Variants in FAM13A observed in about 807,000 individuals in gnomAD.
FAM13A encodes the protein family with sequence similarity 13 member A.
FAM13A carries 76 observed loss-of-function variants against 129.6 expected under a neutral mutation model. The ratio of observed to expected loss-of-function variants is 0.59; its 90% CI spans 0.49 to 0.71. The LOEUF (loss-of-function observed/expected upper bound fraction) is 0.71. FAM13A is among the 30% of genes least tolerant of loss of function. The pLI is 0.00. For synonymous variants in FAM13A, 443 were observed against 449.9 expected (o/e 0.98, Z 0.20); for missense variants, 1,108 against 1,249.3 (o/e 0.89, Z 1.70).
chr4:88,751,506 G>A (rs1465110657), intron 14 of FAM13A, among the ~76,000 whole-genome samples: 1 of 152,048 alleles, frequency 6.6e-6, no homozygotes, highest in African/African-American at 2.4e-5. Flanking sequence ...TTCAGAAGCT[G>A]CTCAAGACTC....
chr4:88,948,935 G>C (rs1756437992), intron 4 of FAM13A, among the ~76,000 whole-genome samples: 3 of 152,170 alleles, frequency 2.0e-5, no homozygotes, highest in South Asian at 4.1e-4. Context: ...TATTAAACTA[G>C]ATCTTTCTAG....
Position 88,848,554 on chromosome 4 carries a change from C to T in FAM13A, c.1007+2466G>A, listed in dbSNP as rs116367252. 3.8e-3 allele frequency among the ~76,000 whole-genome samples: 575 copies of T among 152,310 alleles called. 6 individuals carry two copies. The highest frequency in any genetic ancestry group is 0.013 in the African/African-American group (538 of 41,578). ...CCCACACCTTCAAGGGACAAAGACT[C>T]ATCCACACCTGCTCATTCTCAGTAA... is the stretch of plus-strand genomic sequence containing the variant. On this transcript the variant is annotated intron_variant, in intron 7 of 23. Coordinates refer to ENST00000264344, the MANE Select transcript of FAM13A (RefSeq NM_014883.4).
chr4:88,901,850 T>C (rs1747349616), intron 6 of FAM13A, among the ~76,000 whole-genome samples: 1 of 151,742 alleles, frequency 6.6e-6, no homozygotes, highest in Non-Finnish European at 1.5e-5. Context: ...GACCACTAGC[T>C]AGACTAATAA....
At chr4:89,019,507 T>A (rs1437019922) in intron 3 of FAM13A, among the ~76,000 whole-genome samples, 1 of 152,096 alleles carries the variant, frequency 6.6e-6, no homozygotes, top group African/African-American at 2.4e-5. Context: ...ATGCCTGTAA[T>A]CCCAGCTCTT....
At position 88,814,984 on chromosome 4, in the gene FAM13A, C is replaced by A. The variant is rs573452868; in HGVS notation, c.1008-9932G>T. 8.1e-4 allele frequency among the ~76,000 whole-genome samples: 123 copies of A among 152,060 alleles called. 1 individual carries two copies. Among genetic ancestry groups the A allele is most frequent in the African/African-American group, 2.8e-3 (116 of 41,488 alleles). ...CTCAGCTTGTAGGTAGGACTACAGGCATATGCCACCATGCACAGATAATTT... is the reference window on the plus strand; with the variant it reads ...CTCAGCTTGTAGGTAGGACTACAGGAATATGCCACCATGCACAGATAATTT... On this transcript the variant is annotated intron_variant, in intron 7 of 23. Transcript: ENST00000264344.
chr4:88,750,733 A>G, intron 14 of FAM13A, 96 bp from the exon 15 acceptor site: 3 of 869,858 alleles, frequency 3.4e-6, no homozygotes, highest in African/African-American at 1.7e-5. Context: ...CAGATGCTTT[A>G]GGAAGCTGCC....
chr4:89,020,280 C>CTTT (rs374510433), intron 3 of FAM13A, among the ~76,000 whole-genome samples, 180 bp downstream of exon 3: 20 of 124,718 alleles, frequency 1.6e-4, no homozygotes, highest in Admixed American at 3.6e-4. Flanking sequence ...TTTTTCTGCC[C>CTTT]TTTTTTTTTT....
chr4:88,951,480 A>C (rs764410525), intron 4 of FAM13A, among the ~76,000 whole-genome samples: 1 of 152,218 alleles, frequency 6.6e-6, no homozygotes, highest in Non-Finnish European at 1.5e-5. Flanking sequence ...AAGAGAATAT[A>C]AGTCTCAGTG....
rs1724269896 is a variant in FAM13A, at chr4:88,787,792, T to C, written c.1232A>G (p.Gln411Arg). ...TCGAACTTCATCCTGCTCCTTGGAC[T>C]GGCGGCGGCGCTGTCTGGCAGATGT... ...SATSARQRRR[Q>R]SKEQDEVRHG... Residue 411 changes from glutamine (Q) to arginine (R), a missense_variant, in exon 10 of 24, where the codon CAG (glutamine) becomes CGG (arginine). Physicochemically the swap from Gln to Arg is conservative, Grantham distance 43. This residue lies in a region of FAM13A where 566 missense variants were observed against 595.7 expected (regional missense o/e 0.95). Coordinates refer to ENST00000264344, the MANE Select transcript of FAM13A (RefSeq NM_014883.4). 6.2e-7 allele frequency: 1 copy of C among 1,613,676 alleles called. No individual in the cohort carries two copies. Among genetic ancestry groups the C allele is most frequent in the Non-Finnish European group, 8.5e-7 (1 of 1,179,706 alleles).
At chr4:88,923,607 G>A (rs1050744066) in intron 5 of FAM13A, among the ~76,000 whole-genome samples, 3 of 152,114 alleles carry the variant, frequency 2.0e-5, no homozygotes, top group Non-Finnish European at 4.4e-5. Flanking sequence ...TACTGAATGG[G>A]CAAAAACTGG....
intron 23 of FAM13A, among the ~76,000 whole-genome samples, chr4:88,730,273 CCTA>C (rs1416490529): frequency 1.3e-5 from 2 of 152,180 alleles, no homozygotes; most frequent in Non-Finnish European, 2.9e-5. Flanking sequence ...TCCTCAGGCT[CCTA>C]CTGTGACTTT....
chr4:88,825,849 G>C (rs1732902615), intron 7 of FAM13A, among the ~76,000 whole-genome samples: 2 of 151,670 alleles, frequency 1.3e-5, no homozygotes, highest in Admixed American at 1.3e-4. Flanking sequence ...ATTAATTAAT[G>C]CTATAACTCA....
Position 88,760,431 on chromosome 4 carries a change from C to T in FAM13A, c.1579-1530G>A, listed in dbSNP as rs1744562781. 6.3e-5 allele frequency among the ~76,000 whole-genome samples: 3 copies of T among 47,810 alleles called. 1 individual carries two copies. The highest frequency in any genetic ancestry group is 6.0e-4 in the Admixed American group (3 of 5,000). The allele number at this position is 47,810 out of a possible 152,430, so 31.4% of individuals were successfully genotyped here. A position where few individuals can be genotyped will look rare whatever the true frequency, so the allele number is the denominator to read the frequency against. On this transcript the variant is annotated intron_variant, in intron 13 of 23. Transcript: ENST00000264344. Reference sequence around the variant, plus strand: ...CATCCTGGCTAACGCGGTGAAACCCCGCCTCTACTAAAAATACAAAAAATT... The same window carrying T: ...CATCCTGGCTAACGCGGTGAAACCCTGCCTCTACTAAAAATACAAAAAATT...
At chr4:89,046,903 A>C (rs1770926985) in intron 1 of FAM13A, among the ~76,000 whole-genome samples, 1 of 152,170 alleles carries the variant, frequency 6.6e-6, no homozygotes, top group South Asian at 2.1e-4. Context: ...AAGAGTAATA[A>C]AAATAAATTT....
intron 20 of FAM13A, 105 bp from the exon 21 acceptor site, chr4:88,737,660 G>T: frequency 1.2e-6 from 1 of 868,774 alleles, no homozygotes; most frequent in South Asian, 1.4e-5. Flanking sequence ...TTTTAACTCT[G>T]CATTCTTATC....
At chr4:88,851,654 C>T (rs141307621) in intron 6 of FAM13A, among the ~76,000 whole-genome samples, 1 of 152,178 alleles carries the variant, frequency 6.6e-6, no homozygotes, top group Non-Finnish European at 1.5e-5. Context: ...AAGCAAAACA[C>T]AAATTTGCTG....
rs1560826912 is a variant in FAM13A at position 88,731,322 on chromosome 4, A to C, written c.2945+5T>G. The C allele has an allele frequency of 6.4e-7, 1 of 1,553,044 alleles. No individual in the cohort carries two copies. The highest frequency in any genetic ancestry group is 1.4e-5 in the African/African-American group (1 of 74,000). ...GAAGGGAGGGTGGGGGAAGACAGGC[A>C]CTACCTTCCATTCTGTCTGAAAAAG... On this transcript the variant is annotated splice_donor_5th_base_variant and intron_variant, in intron 23 of 23. Transcript: ENST00000264344.
At chr4:88,924,380 A>G (rs1008460287) in intron 5 of FAM13A, among the ~76,000 whole-genome samples, 3 of 152,194 alleles carry the variant, frequency 2.0e-5, no homozygotes, top group Non-Finnish European at 4.4e-5. Context: ...AACAGAACAG[A>G]GCCCTCAGAA....
At chr4:88,957,269 T>C (rs1419598752) in intron 4 of FAM13A, among the ~76,000 whole-genome samples, 1 of 151,856 alleles carries the variant, frequency 6.6e-6, no homozygotes, top group Non-Finnish European at 1.5e-5. Context: ...GAGGTTGCAG[T>C]GAGCTGAGGA....
Sources: gnomAD v4.1 joint callset for allele counts (sites outside exome capture counted in the v4.1 genomes callset) on GRCh38, gnomAD v4.1.1 for gene constraint, gnomAD v4.1.1 regional missense constraint, MANE v1.5 for transcripts, NCBI Gene and HGNC (gene_info 2026-07-23, HGNC 2026-07-21) for gene names.